Variants in SLC35F1 observed in about 807,000 individuals in gnomAD.
SLC35F1 encodes the protein chromosome 6 open reading frame 169.
Under a neutral mutation model 48.7 loss-of-function variants are expected in SLC35F1, and 14 were observed. The observed-to-expected ratio is 0.29, with a 90% CI of 0.19 to 0.45. The LOEUF is 0.45. Ranked by LOEUF, SLC35F1 falls within the 20% of genes least tolerant of loss-of-function variation. The probability of loss-of-function intolerance (pLI) is 1.00; values close to 1 mark genes in which losing one functional copy is unlikely to be tolerated. For synonymous variants in SLC35F1, 190 were observed against 202.2 expected (o/e 0.94, Z 0.51); for missense variants, 404 against 500.0 (o/e 0.81, Z 1.83).
intron 1 of SLC35F1, among the ~76,000 whole-genome samples, chr6:118,097,278 A>G (rs1773190824): frequency 6.6e-6 from 1 of 152,154 alleles, no homozygotes; most frequent in Non-Finnish European, 1.5e-5. Context: ...TGCAGACCAC[A>G]TTATACTCCC....
intron 1 of SLC35F1, among the ~76,000 whole-genome samples, chr6:118,064,075 C>CA (rs1368224393): frequency 1.3e-5 from 2 of 152,126 alleles, no homozygotes; most frequent in African/African-American, 4.8e-5. Flanking sequence ...GCCTCACAGT[C>CA]ATGGTGGAAG....
At chr6:118,066,699 G>A (rs1772618906) in intron 1 of SLC35F1, among the ~76,000 whole-genome samples, 1 of 150,894 alleles carries the variant, frequency 6.6e-6, no homozygotes, top group Non-Finnish European at 1.5e-5. Context: ...CCAAGGAATA[G>A]AGTTCAGGTC....
intron 1 of SLC35F1, among the ~76,000 whole-genome samples, chr6:118,121,652 A>T (rs1403692040): frequency 1.3e-5 from 2 of 152,194 alleles, no homozygotes; most frequent in African/African-American, 4.8e-5. Flanking sequence ...CCATTCCCTT[A>T]GAAATGCATT....
chr6:118,065,734 C>A (rs4605917), intron 1 of SLC35F1, among the ~76,000 whole-genome samples: 48,482 of 151,858 alleles, frequency 0.32, 8,025 homozygotes, highest in East Asian at 0.48. Context: ...ATGCAGATTA[C>A]TTTCATAAAG....
chr6:118,033,919 C>T (rs901321842), intron 1 of SLC35F1, among the ~76,000 whole-genome samples: 1 of 152,152 alleles, frequency 6.6e-6, no homozygotes, highest in Non-Finnish European at 1.5e-5. Context: ...TTTAGTGGTA[C>T]AGTGACTGAA....
intron 2 of SLC35F1, among the ~76,000 whole-genome samples, chr6:118,157,499 C>G (rs1431728435): frequency 1.3e-5 from 2 of 152,104 alleles, no homozygotes; most frequent in Non-Finnish European, 2.9e-5. Flanking sequence ...CCACAATAGG[C>G]CGTCTGCAAG....
intron 1 of SLC35F1, among the ~76,000 whole-genome samples, chr6:118,055,200 T>G (rs1489527230): frequency 1.3e-5 from 2 of 152,230 alleles, no homozygotes; most frequent in Non-Finnish European, 2.9e-5. Flanking sequence ...TGTTGTTAGA[T>G]TCTACTTTAA....
At chr6:118,208,142 CA>C (rs1279440701) in intron 2 of SLC35F1, among the ~76,000 whole-genome samples, 15 of 152,256 alleles carry the variant, frequency 9.9e-5, no homozygotes, top group African/African-American at 2.9e-4. Flanking sequence ...CACACACACA[CA>C]CCCCTCTGCT....
intron 1 of SLC35F1, among the ~76,000 whole-genome samples, chr6:118,131,794 T>TA (rs1773716116): frequency 1.3e-5 from 2 of 151,428 alleles, no homozygotes; most frequent in African/African-American, 4.8e-5. Flanking sequence ...TATTATATTA[T>TA]TTGCACACAT....
chr6:117,926,414 C>T lies in SLC35F1; in HGVS notation c.173+18515C>T, dbSNP rs568755412. Among the ~76,000 whole-genome samples, 7 of 152,028 alleles carry T rather than the reference C, an allele frequency of 4.6e-5. No individual in the cohort carries two copies. In the East Asian group the frequency reaches 5.8e-4, roughly 13 times the overall value. On this transcript the variant is annotated intron_variant, in intron 1 of 7. Coordinates refer to ENST00000360388, the MANE Select transcript of SLC35F1 (RefSeq NM_001029858.4). ...AAATTACCCAGTCTTGAGTTTTTTTCGTAGCAGCATGAGGATGGACTGATA... is the reference window on the plus strand; with the variant it reads ...AAATTACCCAGTCTTGAGTTTTTTTTGTAGCAGCATGAGGATGGACTGATA...
intron 1 of SLC35F1, among the ~76,000 whole-genome samples, chr6:117,944,213 A>T (rs2114822075): frequency 6.6e-6 from 1 of 152,336 alleles, no homozygotes; most frequent in African/African-American, 2.4e-5. Flanking sequence ...AATTGAACTT[A>T]GTCCTGTTCT....
intron 2 of SLC35F1, among the ~76,000 whole-genome samples, chr6:118,163,695 A>G (rs191947728): frequency 1.3e-4 from 20 of 152,334 alleles, no homozygotes; most frequent in Admixed American, 7.2e-4. Flanking sequence ...GGGAGATTGA[A>G]GGGTGGTTAC....
chr6:118,113,900 TA>T (rs1773442214), intron 1 of SLC35F1, among the ~76,000 whole-genome samples: 1 of 152,206 alleles, frequency 6.6e-6, no homozygotes, highest in African/African-American at 2.4e-5. Context: ...CCGAAGCTGT[TA>T]ATATATTTGC....
At chr6:118,289,212 G>A (rs1165081968) in intron 7 of SLC35F1, among the ~76,000 whole-genome samples, 2 of 152,174 alleles carry the variant, frequency 1.3e-5, no homozygotes, top group Non-Finnish European at 2.9e-5. Flanking sequence ...GTTGTCCATG[G>A]TGTGGATATG....
At chr6:118,269,002 T>C (rs1775817201) in intron 4 of SLC35F1, among the ~76,000 whole-genome samples, 1 of 152,190 alleles carries the variant, frequency 6.6e-6, no homozygotes, top group Admixed American at 6.5e-5. Flanking sequence ...ATAAAAACTC[T>C]ATCTTCATGA....
intron 4 of SLC35F1, among the ~76,000 whole-genome samples, chr6:118,274,732 G>C (rs1775898639): frequency 6.6e-6 from 1 of 152,150 alleles, no homozygotes; most frequent in Admixed American, 6.5e-5. Context: ...AATTTTTAAT[G>C]AAAAAATATT....
intron 3 of SLC35F1, among the ~76,000 whole-genome samples, chr6:118,246,031 T>A (rs976452635): frequency 6.6e-6 from 1 of 152,130 alleles, no homozygotes; most frequent in African/African-American, 2.4e-5. Context: ...AGTATGGACT[T>A]CCTTGTCTCC....
intron 2 of SLC35F1, among the ~76,000 whole-genome samples, chr6:118,202,279 G>A (rs1774881668): frequency 1.3e-5 from 2 of 152,110 alleles, no homozygotes; most frequent in African/African-American, 2.4e-5. Context: ...AGGATTGCTT[G>A]AGGCCAGGAG....
chr6:118,309,191 G>GTGTT (rs914045141), intron 7 of SLC35F1, among the ~76,000 whole-genome samples: 8 of 151,624 alleles, frequency 5.3e-5, no homozygotes, highest in African/African-American at 1.7e-4. Context: ...GTGTGTGTGT[G>GTGTT]TGTGTGTGTG....
Sources: allele counts gnomAD v4.1 joint callset (sites outside exome capture counted in the v4.1 genomes callset), GRCh38; gene constraint gnomAD v4.1.1; transcripts MANE v1.5; gene names NCBI Gene and HGNC (gene_info 2026-07-23, HGNC 2026-07-21).